Variants in S100A8 observed in about 807,000 individuals in gnomAD.
The protein encoded by S100A8 is protein S100-A8.
Under a neutral mutation model 4.2 loss-of-function variants are expected in S100A8, and 1 was observed. The observed-to-expected ratio is 0.24, with a 90% CI of 0.08 to 1.12. S100A8 has a LOEUF of 1.12. Ranked by LOEUF, S100A8 falls within the 50% of genes most tolerant of loss-of-function variation. The pLI, the probability that S100A8 is intolerant of heterozygous loss-of-function variation, is 0.53. For missense variants in S100A8, 96 were observed against 111.8 expected, an observed-to-expected ratio of 0.86 and a Z score of 0.64; for synonymous variants, 41 against 44.7, an observed-to-expected ratio of 0.92 and a Z score of 0.33.
At chr1:153,406,266 T>TAAG in the S100A8 span, among the ~76,000 whole-genome samples, 2 of 152,152 alleles carry the variant, frequency 1.3e-5, no homozygotes, top group Admixed American at 1.3e-4. Context: ...GGGCACAATA[T>TAAG]AAGACATGGC....
the S100A8 span, among the ~76,000 whole-genome samples, chr1:153,398,394 AG>A: frequency 6.6e-6 from 1 of 151,466 alleles, no homozygotes; most frequent in African/African-American, 2.4e-5. Context: ...CACCCTGGTT[AG>A]GGGGGCCACC....
the S100A8 span, among the ~76,000 whole-genome samples, chr1:153,415,232 G>A: frequency 1.6e-4 from 25 of 151,778 alleles, no homozygotes; most frequent in Non-Finnish European, 2.8e-4. Context: ...TAATATTGCC[G>A]TCATATGGGA....
chr1:153,420,564 G>A, the S100A8 span: 2 of 152,170 alleles, frequency 1.3e-5, no homozygotes, highest in Non-Finnish European at 2.9e-5. Context: ...TGGAATGACT[G>A]CTCCACTCCA....
At chr1:153,414,311 A>C in the S100A8 span, among the ~76,000 whole-genome samples, 24 of 152,226 alleles carry the variant, frequency 1.6e-4, no homozygotes, top group African/African-American at 5.5e-4. Flanking sequence ...TTGTCAAGAG[A>C]ATGAAAAGAT....
At chr1:153,419,383 T>G in the S100A8 span, 1 of 1,487,694 alleles carries the variant, frequency 6.7e-7, no homozygotes, top group African/African-American at 1.4e-5. Flanking sequence ...CTTGCCTTAT[T>G]TCTTCTTCTC....
the S100A8 span, among the ~76,000 whole-genome samples, chr1:153,413,399 G>T: frequency 6.6e-6 from 1 of 152,242 alleles, no homozygotes; most frequent in East Asian, 1.9e-4. Flanking sequence ...CATCCACGGG[G>T]CCCTTATGTC....
chr1:153,406,382 C>T, the S100A8 span, among the ~76,000 whole-genome samples: 1 of 151,802 alleles, frequency 6.6e-6, no homozygotes, highest in Non-Finnish European at 1.5e-5. Flanking sequence ...GAGAAAGTGA[C>T]CACTGAACTG....
chr1:153,419,920 T>A, the S100A8 span: 2 of 153,324 alleles, frequency 1.3e-5, no homozygotes, highest in South Asian at 4.1e-4. Context: ...CTGTGCTGTG[T>A]GCTTGTGTGC....
chr1:153,417,113 G>A, the S100A8 span: 12,927 of 152,538 alleles, frequency 0.085, 650 homozygotes, highest in Middle Eastern at 0.12. Flanking sequence ...TTTCTCCTGC[G>A]TTGAGAGGTG....
chr1:153,420,984 C>G, the S100A8 span: 2 of 152,540 alleles, frequency 1.3e-5, no homozygotes, highest in Non-Finnish European at 2.9e-5. Context: ...GACTGCTGGT[C>G]ACTGCTTAGA....
chr1:153,394,493 C>T (rs1343069201), upstream of S100A8, among the ~76,000 whole-genome samples: 5 of 152,158 alleles, frequency 3.3e-5, no homozygotes, highest in Non-Finnish European at 7.4e-5. Context: ...ATTCTGCATT[C>T]CTTCCCCAAA....
chr1:153,396,525 C>G, the S100A8 span: 2 of 153,032 alleles, frequency 1.3e-5, no homozygotes, highest in African/African-American at 4.8e-5. Context: ...CATTCAGCTC[C>G]TGATATCAAG....
chr1:153,390,875 G>C lies in S100A8; in HGVS notation c.-23+166C>G, dbSNP rs189102135. On this transcript the variant is annotated intron_variant, in intron 1 of 2. Transcript: ENST00000368733. ...CCCTTACCCACTGGAAGGTGCTGGA[G>C]GATACTCTCCTTCCTTATCCCTGCC... 3.9e-3 allele frequency: 1,742 copies of C among 450,882 alleles called. 2 individuals carry two copies. Among genetic ancestry groups the C allele is most frequent in the Non-Finnish European group, 5.1e-3 (1,585 of 309,348 alleles). 27.9% of individuals were successfully genotyped at this position (450,882 alleles called of 1,614,324 possible).
upstream of S100A8, among the ~76,000 whole-genome samples, chr1:153,391,593 T>C (rs1245537634): frequency 6.6e-6 from 1 of 152,202 alleles, no homozygotes; most frequent in Non-Finnish European, 1.5e-5. Flanking sequence ...TTCTCATTAC[T>C]AAAAACTAAA....
the S100A8 span, among the ~76,000 whole-genome samples, chr1:153,408,664 A>C: frequency 1.3e-5 from 2 of 152,186 alleles, no homozygotes; most frequent in Non-Finnish European, 2.9e-5. Context: ...CAACTACAAG[A>C]CACATAATTG....
At chr1:153,398,654 C>T in the S100A8 span, among the ~76,000 whole-genome samples, 1 of 152,218 alleles carries the variant, frequency 6.6e-6, no homozygotes, top group Admixed American at 6.5e-5. Context: ...GCTCCCTGGA[C>T]TCTACAGATA....
At chr1:153,405,669 C>G in the S100A8 span, among the ~76,000 whole-genome samples, 15 of 152,404 alleles carry the variant, frequency 9.8e-5, no homozygotes, top group South Asian at 1.9e-3. Flanking sequence ...TATAAATTAC[C>G]CCAGCCTGTA....
upstream of S100A8, among the ~76,000 whole-genome samples, chr1:153,394,447 A>C (rs930506650): frequency 2.0e-5 from 3 of 152,186 alleles, no homozygotes; most frequent in African/African-American, 7.2e-5. Flanking sequence ...GAAGGAGCAC[A>C]GATCTAGGTC....
chr1:153,398,788 A>AC, the S100A8 span, among the ~76,000 whole-genome samples: 2 of 152,082 alleles, frequency 1.3e-5, no homozygotes. Flanking sequence ...AAGCATATTT[A>AC]CCCCCAGTTT....
Sources: allele counts gnomAD v4.1 joint callset (sites outside exome capture counted in the v4.1 genomes callset), GRCh38; gene constraint gnomAD v4.1.1; transcripts MANE v1.5; gene names NCBI Gene and HGNC (gene_info 2026-07-23, HGNC 2026-07-21).